DCT: variants seen among roughly 807,000 people sequenced by gnomAD.
The protein encoded by DCT is L-dopachrome tautomerase.
Under a neutral mutation model 53.0 loss-of-function variants are expected in DCT, and 47 were observed. The observed-to-expected ratio is 0.89, with a 90% CI of 0.70 to 1.13. DCT has a LOEUF of 1.13. DCT is among the 50% of genes most tolerant of loss of function. The pLI, the probability that DCT is intolerant of heterozygous loss-of-function variation, is 0.00. For missense variants in DCT, 669 were observed against 637.4 expected (o/e 1.05, Z -0.53); for synonymous variants, 244 against 237.0 (o/e 1.03, Z -0.27).
chr13:94,497,697 G>A, the DCT span, among the ~76,000 whole-genome samples: 4 of 152,190 alleles, frequency 2.6e-5, no homozygotes, highest in South Asian at 2.1e-4. Context: ...AGGCTGAGGA[G>A]GAGGAGGAAG....
chr13:94,465,688 G>A lies in DCT; in HGVS notation c.808C>T (p.Pro270Ser), dbSNP rs1450641009. ...CTTGAGTTCCGACTAATCAGAGTCG[G>A]ATCGTCTGGTCTCGCTGCCCCAAAC... Reference protein sequence around the residue: ...QLFGAARPDDPTLISRNSRFS... With the variant: ...QLFGAARPDDSTLISRNSRFS... The change falls in exon 4 of 8, where the codon CCG becomes TCG. Residue 270 changes from proline (P) to serine (S), a missense_variant. By Grantham distance (74) the Pro-to-Ser change is moderately conservative. Transcript: ENST00000377028. 1.2e-6 allele frequency: 2 copies of A among 1,613,576 alleles called. No individual in the cohort carries two copies. The highest frequency in any genetic ancestry group is 8.5e-7 in the Non-Finnish European group (1 of 1,179,870).
the DCT span, among the ~76,000 whole-genome samples, chr13:94,488,334 A>G: frequency 6.6e-6 from 1 of 152,154 alleles, no homozygotes; most frequent in African/African-American, 2.4e-5. Flanking sequence ...AAAAATATAT[A>G]TATTTTTAGA....
At chr13:94,460,905 AT>A (rs754743591) in intron 5 of DCT, among the ~76,000 whole-genome samples, 2 of 152,188 alleles carry the variant, frequency 1.3e-5, no homozygotes, top group Non-Finnish European at 2.9e-5. Context: ...CCAAAACTGG[AT>A]TCTCTCTCTC....
chr13:94,539,156 G>A, the DCT span, among the ~76,000 whole-genome samples: 1 of 152,294 alleles, frequency 6.6e-6, no homozygotes. Flanking sequence ...CTTTTGAGGG[G>A]CAGTAGAATT....
chr13:94,477,079 A>G (rs2139376762), intron 1 of DCT, among the ~76,000 whole-genome samples: 1 of 152,274 alleles, frequency 6.6e-6, no homozygotes, highest in South Asian at 2.1e-4. Context: ...AAATGATTAT[A>G]AAGCCAGAAC....
chr13:94,460,079 C>T lies in DCT; in HGVS notation c.1179+12G>A. 1 of 1,613,386 alleles carries T rather than the reference C, an allele frequency of 6.2e-7. No individual in the cohort carries two copies. Among genetic ancestry groups the T allele is most frequent in the Non-Finnish European group, 8.5e-7 (1 of 1,179,774 alleles). ...TAGAAAATTTTCATGCATTCTGAAT[C>T]TTTGAACATACCACAAAAATGGGAT... On this transcript the variant is annotated intron_variant, in intron 6 of 7. Transcript: ENST00000377028.
intron 6 of DCT, among the ~76,000 whole-genome samples, chr13:94,455,367 GA>G (rs1883341371): frequency 7.1e-6 from 1 of 141,378 alleles, no homozygotes; most frequent in African/African-American, 2.7e-5. Context: ...GGGCAACAGA[GA>G]GAGACTGTCT....
chr13:94,518,136 AGG>A, the DCT span, among the ~76,000 whole-genome samples: 1 of 148,308 alleles, frequency 6.7e-6, no homozygotes, highest in African/African-American at 2.5e-5. Flanking sequence ...GAAGGAAGGA[AGG>A]AAGGAAGGAA....
the DCT span, among the ~76,000 whole-genome samples, chr13:94,504,886 C>T: frequency 6.5e-3 from 988 of 152,134 alleles, 10 homozygotes; most frequent in African/African-American, 0.022. Context: ...GTATCCAAGG[C>T]ACCTTCTGCA....
chr13:94,513,973 G>A, the DCT span, among the ~76,000 whole-genome samples: 1 of 77,978 alleles, frequency 1.3e-5, no homozygotes, highest in African/African-American at 6.2e-5. Flanking sequence ...GGCAACAAGA[G>A]CAAAACTCTG....
intron 7 of DCT, among the ~76,000 whole-genome samples, chr13:94,442,400 G>A (rs1882390298): frequency 6.6e-6 from 1 of 152,036 alleles, no homozygotes; most frequent in African/African-American, 2.4e-5. Context: ...TCTACATCCT[G>A]GGCTCAAGCG....
the DCT span, among the ~76,000 whole-genome samples, chr13:94,500,522 A>G: frequency 2.0e-5 from 3 of 152,212 alleles, no homozygotes; most frequent in Non-Finnish European, 4.4e-5. Context: ...CAACCAAACC[A>G]TATCACTACC....
At chr13:94,469,832 T>C (rs772102752) in intron 1 of DCT, among the ~76,000 whole-genome samples, 9 of 152,166 alleles carry the variant, frequency 5.9e-5, no homozygotes, top group Non-Finnish European at 8.8e-5. Context: ...CCCAGCACTT[T>C]GGGAGGCCGA....
In DCT at chr13:94,438,662, A is replaced by C; in HGVS notation, c.*1236T>G. The C allele has an allele frequency of 2.2e-6, 1 of 455,994 alleles. No individual in the cohort carries two copies. The highest frequency in any genetic ancestry group is 4.4e-6 in the Non-Finnish European group (1 of 226,760). 28.2% of individuals were successfully genotyped at this position (455,994 alleles called of 1,614,324 possible). A position where few individuals can be genotyped will look rare whatever the true frequency, so the allele number is the denominator to read the frequency against. On this transcript the variant is annotated 3_prime_UTR_variant, in exon 8 of 8. Coordinates refer to ENST00000377028, the MANE Select transcript of DCT (RefSeq NM_001922.5). Reference sequence around the variant, plus strand: ...TGCCTGGAAATCTCAAGAGCCATTAACTTCTCTGAAGTGGGGTCCATCATG... The same window carrying C: ...TGCCTGGAAATCTCAAGAGCCATTACCTTCTCTGAAGTGGGGTCCATCATG...
At chr13:94,532,319 A>G in the DCT span, among the ~76,000 whole-genome samples, 3 of 152,198 alleles carry the variant, frequency 2.0e-5, no homozygotes, top group Non-Finnish European at 4.4e-5. Context: ...TCATGCTACT[A>G]TAAAGACACA....
the DCT span, among the ~76,000 whole-genome samples, chr13:94,537,591 T>C: frequency 6.6e-6 from 1 of 152,190 alleles, no homozygotes; most frequent in African/African-American, 2.4e-5. Flanking sequence ...TTGAAGAAGA[T>C]GTAGAGCCTT....
At chr13:94,490,095 A>G in the DCT span, among the ~76,000 whole-genome samples, 1 of 152,204 alleles carries the variant, frequency 6.6e-6, no homozygotes, top group South Asian at 2.1e-4. Context: ...TAATTTCAAG[A>G]GCTGACAAAA....
the DCT span, among the ~76,000 whole-genome samples, chr13:94,544,529 G>A: frequency 3.3e-5 from 5 of 152,210 alleles, no homozygotes; most frequent in Non-Finnish European, 5.9e-5. Context: ...CCCTTGCTCA[G>A]CCTGTCCAGC....
Sources: allele counts gnomAD v4.1 joint callset (sites outside exome capture counted in the v4.1 genomes callset), GRCh38; gene constraint gnomAD v4.1.1; transcripts MANE v1.5; gene names NCBI Gene and HGNC (gene_info 2026-07-23, HGNC 2026-07-21).